SCN8A: variants seen among roughly 807,000 people sequenced by gnomAD.
SCN8A encodes sodium voltage-gated channel alpha subunit 8, also known as sodium channel protein type 8 subunit alpha.
In SCN8A, 30 loss-of-function variants were observed where a neutral mutation model predicts 184.1. The observed-to-expected ratio is 0.16, with a 90% CI of 0.12 to 0.22. The LOEUF (loss-of-function observed/expected upper bound fraction) is 0.22. SCN8A is among the 10% of genes least tolerant of loss of function. The pLI is 1.00. For missense variants in SCN8A, 1,057 were observed against 2,498.9 expected, an observed-to-expected ratio of 0.42 and a Z score of 12.30; for synonymous variants, 852 against 907.0, an observed-to-expected ratio of 0.94 and a Z score of 1.09.
Position 51,807,087 on chromosome 12 carries a change from G to A in SCN8A, c.5601G>A (p.Gln1867=), listed in dbSNP as rs368449473. 291 of 1,614,050 alleles carry A rather than the reference G, an allele frequency of 1.8e-4. No homozygotes were observed. The African/African-American group carries it at 2.1e-3, about 12-fold the overall frequency. The change falls in exon 27 of 27, where the codon CAG becomes CAA. Residue 1867 remains glutamine (Q), a synonymous_variant. Coordinates refer to ENST00000627620, the MANE Select transcript of SCN8A (RefSeq NM_001330260.2). This position sits in a 1 kb window ranked among gnomAD's most constrained non-coding sequence, Gnocchi z 4.5. ...GCGGGGAGTTGGACATCCTGCGGCA[G>A]CAGATGGAAGAGCGGTTCGTGGCAT... is the stretch of plus-strand genomic sequence containing the variant. ...GDSGELDILR[Q]QMEERFVASN... is the part of the protein sequence containing the mutation.
chr12:51,742,184 G>A (rs971062488), intron 12 of SCN8A, among the ~76,000 whole-genome samples: 2 of 152,016 alleles, frequency 1.3e-5, no homozygotes, highest in Admixed American at 6.6e-5. Context: ...TATTTATATT[G>A]GCTTATCATA....
rs1456107685 is a variant in SCN8A, at chr12:51,769,067, A to G, written c.3104A>G (p.Asp1035Gly). ...GAGGCTGATGAGGTGAAGCCTCTGG[A>G]TGAGTTGTATGAAAAGAAGGCCAAC... ...QREADEVKPL[D>G]ELYEKKANCI... Residue 1035 changes from aspartate to glycine, a missense_variant, in exon 17 of 27, where the codon GAT becomes GGT. Around this residue, in one of 19 missense-constraint regions of SCN8A, gnomAD observed 178 missense variants for 259.6 expected, o/e 0.69. Transcript: ENST00000627620. 1 of 1,613,866 alleles carries G rather than the reference A, an allele frequency of 6.2e-7. No individual in the cohort carries two copies. The highest frequency in any genetic ancestry group is 8.5e-7 in the Non-Finnish European group (1 of 1,179,884).
At chr12:51,663,138 C>T in intron 2 of SCN8A, 45 bp downstream of exon 2, 2 of 1,602,748 alleles carry the variant, frequency 1.2e-6, no homozygotes. Flanking sequence ...TGTTTCCTAA[C>T]AGGCTTAGGG....
At position 51,774,730 on chromosome 12, in the gene SCN8A, G is replaced by A. The variant is rs189848799; in HGVS notation, c.3819+368G>A. Among the ~76,000 whole-genome samples the A allele has an allele frequency of 1.7e-3, 265 of 152,258 alleles. 1 individual carries two copies. Among genetic ancestry groups the A allele is most frequent in the African/African-American group, 6.1e-3 (253 of 41,546 alleles). On this transcript the variant is annotated intron_variant, in intron 20 of 26. Transcript: ENST00000627620. ...CTTCTTTTTGTGGCTGGGAGAAGGG[G>A]TGAGAGAATGAGATGGGGGCTGTTG...
Position 51,714,695 on chromosome 12 carries a change from C to T in SCN8A, c.1636-6851C>T, listed in dbSNP as rs116559581. On this transcript the variant is annotated intron_variant, in intron 11 of 26. Transcript: ENST00000627620. ...GTAAAATCACTCCTTCATCACATTC[C>T]AAACATCCCAGTCATGTAAGCCTCA... is the stretch of plus-strand genomic sequence containing the variant. 1.8e-3 allele frequency among the ~76,000 whole-genome samples: 271 copies of T among 152,272 alleles called. 1 individual carries two copies. The highest frequency in any genetic ancestry group is 6.3e-3 in the African/African-American group (263 of 41,540).
intron 1 of SCN8A, among the ~76,000 whole-genome samples, chr12:51,626,070 A>G (rs969454247): frequency 6.6e-6 from 1 of 152,218 alleles, no homozygotes; most frequent in African/African-American, 2.4e-5. Flanking sequence ...AGGAGGCAGA[A>G]GGAGCGAGGG....
At chr12:51,700,330 A>G (rs1285010068) in intron 7 of SCN8A, among the ~76,000 whole-genome samples, 1 of 152,114 alleles carries the variant, frequency 6.6e-6, no homozygotes, top group Non-Finnish European at 1.5e-5. Context: ...ATGTACCCCT[A>G]AACTTTTGCT....
Position 51,706,540 on chromosome 12 carries a change from G to A in SCN8A, c.1460G>A (p.Ser487Asn). 1 of 1,606,660 alleles carries A rather than the reference G, an allele frequency of 6.2e-7. No homozygotes were observed. Among genetic ancestry groups the A allele is most frequent in the South Asian group, 1.1e-5 (1 of 89,522 alleles). Residue 487 changes from serine to asparagine, a missense_variant, in exon 11 of 27, where the codon AGT (serine) becomes AAT (asparagine). Physicochemically the swap from Ser to Asn is conservative, Grantham distance 46 (BLOSUM62 1). Transcript: ENST00000627620. ...GAAATCTCTAAACTCAGCTCAAAGA[G>A]TGCAAAGGAAAGACGTAACAGGAGA... ...SSEISKLSSK[S>N]AKERRNRRKK...
Position 51,651,730 on chromosome 12 carries a change from G to C in SCN8A, c.-54-11034G>C, listed in dbSNP as rs1592356142. Among the ~76,000 whole-genome samples the C allele has an allele frequency of 2.0e-5, 3 of 152,324 alleles. No homozygotes were observed. The South Asian group carries it at 6.2e-4, about 32-fold the overall frequency. The stretch of plus-strand genomic sequence containing the variant: ...GTGGGGACACAGCCAAACCATATCA[G>C]TGGATATCTCTTCTCTACATATTAC... On this transcript the variant is annotated intron_variant, in intron 1 of 26. Coordinates refer to ENST00000627620, the MANE Select transcript of SCN8A (RefSeq NM_001330260.2).
chr12:51,649,851 C>T (rs916465214), intron 1 of SCN8A, among the ~76,000 whole-genome samples: 15 of 152,208 alleles, frequency 9.9e-5, no homozygotes, highest in African/African-American at 3.4e-4. Context: ...CAAATTTCTG[C>T]AGCCAGCTTG....
chr12:51,737,041 C>T (rs1049293069), intron 12 of SCN8A, among the ~76,000 whole-genome samples: 1 of 152,198 alleles, frequency 6.6e-6, no homozygotes, highest in African/African-American at 2.4e-5. Context: ...GAAACAGCTT[C>T]GTTTTAGGAA....
At chr12:51,726,764 A>C (rs900677167) in intron 12 of SCN8A, among the ~76,000 whole-genome samples, 4 of 152,168 alleles carry the variant, frequency 2.6e-5, no homozygotes, top group African/African-American at 9.7e-5. Flanking sequence ...CTTTTCTTAC[A>C]CATTTTTGGC....
At chr12:51,714,591 CG>C (rs1260659336) in intron 11 of SCN8A, among the ~76,000 whole-genome samples, 1 of 152,082 alleles carries the variant, frequency 6.6e-6, no homozygotes, top group African/African-American at 2.4e-5. Flanking sequence ...CAGGGACCTC[CG>C]GGGGTCTCCA....
Position 51,768,990 on chromosome 12 carries a change from C to G in SCN8A, c.3027C>G (p.Ala1009=). ...ISVIRIKKGV[A]WTKLKVHAFM... ...TGATCCGTATCAAGAAGGGTGTGGCCTGGACCAAACTAAAGGTGCACGCCT... is the reference window on the plus strand; with the variant it reads ...TGATCCGTATCAAGAAGGGTGTGGCGTGGACCAAACTAAAGGTGCACGCCT... The change falls in exon 17 of 27, where the codon GCC becomes GCG. Residue 1009 remains alanine (A), a synonymous_variant. Coordinates refer to ENST00000627620, the MANE Select transcript of SCN8A (RefSeq NM_001330260.2). The G allele has an allele frequency of 6.2e-7, 1 of 1,614,008 alleles. No individual in the cohort carries two copies. The highest frequency in any genetic ancestry group is 8.5e-7 in the Non-Finnish European group (1 of 1,179,890).
chr12:51,686,560 A>T, intron 4 of SCN8A, 103 bp downstream of exon 4: 1 of 732,870 alleles, frequency 1.4e-6, no homozygotes, highest in Non-Finnish European at 2.4e-6. Context: ...AAAATTAGTT[A>T]TTGCCTCTCT....
chr12:51,765,172 G>T (rs1942819365), intron 15 of SCN8A, among the ~76,000 whole-genome samples: 2 of 148,538 alleles, frequency 1.3e-5, no homozygotes, highest in African/African-American at 2.5e-5. Flanking sequence ...TATCACAACG[G>T]TTTTTTTTTT....
chr12:51,711,839 A>G (rs546973697), intron 11 of SCN8A, among the ~76,000 whole-genome samples: 2 of 152,162 alleles, frequency 1.3e-5, no homozygotes, highest in African/African-American at 4.8e-5. Flanking sequence ...CAAACACACA[A>G]ATTATCTATT....
chr12:51,692,524 G>A (rs1043611007), intron 6 of SCN8A, among the ~76,000 whole-genome samples: 1 of 152,178 alleles, frequency 6.6e-6, no homozygotes, highest in Admixed American at 6.5e-5. Context: ...TGCTCCAGAG[G>A]CAGCAACTTG....
In SCN8A at chr12:51,806,562, C is replaced by A. The variant is rs1344346086; in HGVS notation, c.5076C>A (p.Gly1692=). The A allele has an allele frequency of 6.2e-7, 1 of 1,614,186 alleles. No individual in the cohort carries two copies. The highest frequency in any genetic ancestry group is 8.5e-7 in the Non-Finnish European group (1 of 1,180,040). The change falls in exon 27 of 27, where the codon GGC becomes GGA. Residue 1692 remains glycine, a synonymous_variant. Coordinates refer to ENST00000627620, the MANE Select transcript of SCN8A (RefSeq NM_001330260.2). The surrounding 1 kb of genome is among the most constrained non-coding windows in gnomAD (Gnocchi z 8.7). ...IDDMFNFETF[G]NSMICLFQIT... ...ACATGTTCAACTTTGAGACATTTGG[C>A]AACAGCATGATCTGCCTGTTTCAAA... is the stretch of plus-strand genomic sequence containing the variant.
Sources: allele counts gnomAD v4.1 joint callset (sites outside exome capture counted in the v4.1 genomes callset), GRCh38; gene constraint gnomAD v4.1.1; regional missense constraint gnomAD v4.1.1; non-coding constraint Gnocchi (gnomAD v3.1); transcripts MANE v1.5; gene names NCBI Gene and HGNC (gene_info 2026-07-23, HGNC 2026-07-21).